Variants in ATP6V1C2 observed in about 807,000 individuals in gnomAD.
ATP6V1C2 encodes the protein V-type proton ATPase subunit C 2.
Under a neutral mutation model 56.8 loss-of-function variants are expected in ATP6V1C2, and 45 were observed. That is an observed-to-expected ratio of 0.79 (90% CI 0.62 to 1.02). The LOEUF is 1.02. Among genes scored for constraint, ATP6V1C2 ranks in the 50% least tolerant of loss-of-function variants. The pLI is 0.00. For missense variants in ATP6V1C2, 463 were observed against 519.7 expected (o/e 0.89, Z 1.06); for synonymous variants, 220 against 201.3 (o/e 1.09, Z -0.79).
At chr2:10,779,105 C>CT (rs10712133) in intron 12 of ATP6V1C2, among the ~76,000 whole-genome samples, 8,548 of 147,004 alleles carry the variant, frequency 0.058, 559 homozygotes, top group African/African-American at 0.16. Flanking sequence ...CTTATTTTGC[C>CT]TTTTTTTTTT....
intron 3 of ATP6V1C2, among the ~76,000 whole-genome samples, chr2:10,749,054 C>A (rs12467545): frequency 6.9e-6 from 1 of 145,406 alleles, no homozygotes; most frequent in South Asian, 2.2e-4. Flanking sequence ...CACTTGAACC[C>A]GGGAGATGGA....
intron 12 of ATP6V1C2, 138 bp downstream of exon 12, chr2:10,778,807 G>T (rs765263540): frequency 1.9e-4 from 144 of 767,316 alleles, no homozygotes; most frequent in Middle Eastern, 3.1e-4. Flanking sequence ...TTGGCAACAC[G>T]CTCAATTCCG....
chr2:10,782,657 CCT>C (rs1222964081), intron 13 of ATP6V1C2, among the ~76,000 whole-genome samples: 3 of 151,768 alleles, frequency 2.0e-5, no homozygotes, highest in African/African-American at 7.3e-5. Context: ...ATGGTGAAAC[CCT>C]GTCTCTACTA....
chr2:10,721,286 C>T (rs1243310776), upstream of ATP6V1C2, among the ~76,000 whole-genome samples: 3 of 151,512 alleles, frequency 2.0e-5, no homozygotes, highest in Non-Finnish European at 4.4e-5. Flanking sequence ...GGGGCTGCGG[C>T]GGCCGCAGCG....
Position 10,785,096 on chromosome 2 carries a change from C to T in ATP6V1C2, c.*1833C>T. 4.5e-6 allele frequency: 5 copies of T among 1,116,084 alleles called. No homozygotes were observed. Among genetic ancestry groups the T allele is most frequent in the Non-Finnish European group, 6.6e-6 (5 of 752,328 alleles). 69.1% of individuals were successfully genotyped at this position (1,116,084 alleles called of 1,614,324 possible). ...TGGACTGCTGGTGCAGAAGAATAAA[C>T]AACTTTAAAAATAACAGTCTGCCTA... On this transcript the variant is annotated 3_prime_UTR_variant, in exon 14 of 14. Coordinates refer to ENST00000272238, the MANE Select transcript of ATP6V1C2 (RefSeq NM_001039362.2).
At chr2:10,746,340 GTTATTTA>G (rs1558398862) in intron 3 of ATP6V1C2, among the ~76,000 whole-genome samples, 1 of 151,006 alleles carries the variant, frequency 6.6e-6, no homozygotes, top group African/African-American at 2.4e-5. Context: ...ATTTTTATTA[GTTATTTA>G]TTATTTATTT....
At chr2:10,733,203 A>G (rs1035169008) in intron 3 of ATP6V1C2, among the ~76,000 whole-genome samples, 12 of 152,228 alleles carry the variant, frequency 7.9e-5, no homozygotes, top group African/African-American at 2.9e-4. Flanking sequence ...CAAAATTCTA[A>G]TCTTAGCTTT....
rs201350719 is a variant in ATP6V1C2, at chr2:10,777,680, G to A, written c.921G>A (p.Ala307=). The change falls in exon 11 of 14, where the codon GCG becomes GCA. Residue 307 remains alanine, a synonymous_variant. Coordinates refer to ENST00000272238, the MANE Select transcript of ATP6V1C2 (RefSeq NM_001039362.2). ...TPLGNPDRPA[A]GQTDRERESE... The stretch of plus-strand genomic sequence containing the variant: ...TAGGTAACCCTGATAGGCCTGCTGC[G>A]GGGCAGACCGACAGAGAGAGAGAGA... 27 of 1,614,010 alleles carry A rather than the reference G, an allele frequency of 1.7e-5. No individual in the cohort carries two copies. The South Asian group carries it at 2.3e-4, about 14-fold the overall frequency.
In ATP6V1C2 at chr2:10,751,199, T is replaced by C. The variant is rs558014984; in HGVS notation, c.198-2782T>C. On this transcript the variant is annotated intron_variant, in intron 3 of 13. Transcript: ENST00000272238. ...CCCTAGGCTGGCAGGGACAAGAGGA[T>C]TGAGGTCACTGGAACTGGGAGGGAA... is the stretch of plus-strand genomic sequence containing the variant. 5.3e-5 allele frequency among the ~76,000 whole-genome samples: 8 copies of C among 152,072 alleles called. No individual in the cohort carries two copies. In the South Asian group the frequency reaches 8.3e-4, roughly 16 times the overall value.
At chr2:10,771,749 GC>G (rs1664619218) in intron 6 of ATP6V1C2, 89 bp from the exon 7 acceptor site, 3 of 960,828 alleles carry the variant, frequency 3.1e-6, no homozygotes, top group East Asian at 2.4e-5. Context: ...CTTGAGAACT[GC>G]CCCCAGTGCC....
At chr2:10,733,284 T>C (rs1459480312) in intron 3 of ATP6V1C2, among the ~76,000 whole-genome samples, 1 of 152,180 alleles carries the variant, frequency 6.6e-6, no homozygotes, top group Non-Finnish European at 1.5e-5. Flanking sequence ...GTGGGTTATA[T>C]GTACTAATAA....
intron 2 of ATP6V1C2, among the ~76,000 whole-genome samples, chr2:10,724,902 G>A (rs1350909046): frequency 1.3e-5 from 2 of 151,778 alleles, no homozygotes; most frequent in Non-Finnish European, 2.9e-5. Flanking sequence ...CAAACCTTCG[G>A]CCTCCCAAAG....
In ATP6V1C2 at chr2:10,748,054, C is replaced by T. The variant is rs146552600; in HGVS notation, c.198-5927C>T. Among the ~76,000 whole-genome samples, 93 of 152,106 alleles carry T rather than the reference C, an allele frequency of 6.1e-4. No homozygotes were observed. The East Asian group carries it at 0.016, about 26-fold the overall frequency. ...CTGGTATTACAGGCATGCACCACTA[C>T]GCCCGGCTAATTTTTGTATTTTTAG... On this transcript the variant is annotated intron_variant, in intron 3 of 13. Transcript: ENST00000272238.
intron 3 of ATP6V1C2, among the ~76,000 whole-genome samples, chr2:10,745,539 C>T (rs1662862150): frequency 6.6e-6 from 1 of 152,032 alleles, no homozygotes; most frequent in African/African-American, 2.4e-5. Context: ...CGGGTTTTCA[C>T]CATGTTGGCC....
chr2:10,722,584 T>C (rs1661428139), intron 1 of ATP6V1C2, among the ~76,000 whole-genome samples: 1 of 152,042 alleles, frequency 6.6e-6, no homozygotes, highest in Non-Finnish European at 1.5e-5. Flanking sequence ...AAGGAACCTC[T>C]CCCTCCTCCT....
intron 8 of ATP6V1C2, among the ~76,000 whole-genome samples, chr2:10,773,320 G>C (rs1406925869): frequency 6.6e-6 from 1 of 152,172 alleles, no homozygotes; most frequent in Non-Finnish European, 1.5e-5. Flanking sequence ...GGCACATAGT[G>C]GGGTAGGGGC....
rs114673919 is a variant in ATP6V1C2 at position 10,763,502 on chromosome 2, A to C, written c.284-829A>C. 0.03 allele frequency among the ~76,000 whole-genome samples: 4,616 copies of C among 152,170 alleles called. 206 individuals carry two copies. Among genetic ancestry groups the C allele is most frequent in the African/African-American group, 0.1 (4,277 of 41,522 alleles). ...GTGATGGGTGTGGAGTGAGCGTGAC[A>C]GTCCCCTTTCATGCACCAGGATAGA... On this transcript the variant is annotated intron_variant, in intron 4 of 13. Coordinates refer to ENST00000272238, the MANE Select transcript of ATP6V1C2 (RefSeq NM_001039362.2). The surrounding 1 kb of genome is among the most constrained non-coding windows in gnomAD (Gnocchi z 4.2).
chr2:10,750,874 A>G (rs1270221036), intron 3 of ATP6V1C2, among the ~76,000 whole-genome samples: 1 of 152,232 alleles, frequency 6.6e-6, no homozygotes, highest in East Asian at 1.9e-4. Context: ...TTTGTCCATG[A>G]CATTTTAGAA....
At chr2:10,724,243 C>T (rs1418754669) in intron 2 of ATP6V1C2, among the ~76,000 whole-genome samples, 1 of 152,166 alleles carries the variant, frequency 6.6e-6, no homozygotes, top group African/African-American at 2.4e-5. Flanking sequence ...TTTCAAACCT[C>T]ACTTTGCCCC....
Sources: allele counts gnomAD v4.1 joint callset (sites outside exome capture counted in the v4.1 genomes callset), GRCh38; gene constraint gnomAD v4.1.1; non-coding constraint Gnocchi (gnomAD v3.1); transcripts MANE v1.5; gene names NCBI Gene and HGNC (gene_info 2026-07-23, HGNC 2026-07-21).